The following NOL10 variants were observed in gnomAD, a reference collection of about 807,000 sequenced individuals.
The protein encoded by NOL10 is nucleolar protein 10, also known as H_NH0074G24.1.
Under a neutral mutation model 103.5 loss-of-function variants are expected in NOL10, and 58 were observed. The observed-to-expected ratio is 0.56, with a 90% CI of 0.45 to 0.70. The LOEUF is 0.70. NOL10 is among the 30% of genes least tolerant of loss of function. The probability of loss-of-function intolerance (pLI) is 0.00; values close to 1 mark genes in which losing one functional copy is unlikely to be tolerated. For synonymous variants in NOL10, 287 were observed against 282.5 expected, an observed-to-expected ratio of 1.02 and a Z score of -0.16; for missense variants, 763 against 807.3, an observed-to-expected ratio of 0.95 and a Z score of 0.67.
chr2:10,647,365 A>G (rs781492485), intron 12 of NOL10, among the ~76,000 whole-genome samples: 7 of 152,190 alleles, frequency 4.6e-5, no homozygotes, highest in Non-Finnish European at 1.0e-4. Context: ...CAGACTGCAA[A>G]CTGTTACCAG....
chr2:10,591,857 G>A (rs574532761), intron 17 of NOL10, among the ~76,000 whole-genome samples: 1 of 152,042 alleles, frequency 6.6e-6, no homozygotes, highest in Non-Finnish European at 1.5e-5. Flanking sequence ...TAAAAAATTA[G>A]TCAGGCGTGG....
At chr2:10,678,963 T>C (rs916043951) in intron 3 of NOL10, among the ~76,000 whole-genome samples, 10 of 152,184 alleles carry the variant, frequency 6.6e-5, no homozygotes. Context: ...CCGTGGCTCA[T>C]GCTTATAATC....
intron 8 of NOL10, among the ~76,000 whole-genome samples, chr2:10,664,054 G>A (rs1488686828): frequency 2.0e-5 from 3 of 151,920 alleles, no homozygotes. Context: ...CCGGGAGGCA[G>A]AGGCTACAGC....
intron 12 of NOL10, among the ~76,000 whole-genome samples, chr2:10,650,814 G>A (rs1232236121): frequency 3.3e-5 from 5 of 152,114 alleles, no homozygotes; most frequent in Admixed American, 3.3e-4. Context: ...CCAGAGATGC[G>A]TAGTTGAATT....
intron 8 of NOL10, among the ~76,000 whole-genome samples, chr2:10,665,919 C>G (rs1020083854): frequency 3.9e-5 from 6 of 152,120 alleles, no homozygotes; most frequent in Non-Finnish European, 5.9e-5. Flanking sequence ...TCTGGGGGTA[C>G]GTGCAGGTTT....
Position 10,671,536 on chromosome 2 carries a change from A to C in NOL10, c.464+18T>G. On this transcript the variant is annotated intron_variant, in intron 6 of 20. Transcript: ENST00000381685. ...GTTTTAGGAGGTGAAAAGGAGAAAA[A>C]GGGACTGGATCCAATACCTTGCACC... The C allele has an allele frequency of 6.5e-7, 1 of 1,537,844 alleles. No homozygotes were observed. Among genetic ancestry groups the C allele is most frequent in the Middle Eastern group, 1.7e-4 (1 of 5,810 alleles).
chr2:10,636,545 C>T (rs60016454), intron 13 of NOL10, among the ~76,000 whole-genome samples: 2,001 of 149,882 alleles, frequency 0.013, 53 homozygotes, highest in African/African-American at 0.046. Context: ...AAAGTTGTGA[C>T]GCTGCAGTGA....
At chr2:10,671,867 G>T (rs528305232) in intron 5 of NOL10, among the ~76,000 whole-genome samples, 177 bp from the exon 6 acceptor site, 1 of 152,010 alleles carries the variant, frequency 6.6e-6, no homozygotes, top group Non-Finnish European at 1.5e-5. Context: ...ACACTCCATC[G>T]GCTCCTTAAT....
At chr2:10,655,763 T>C (rs146579338) in intron 11 of NOL10, among the ~76,000 whole-genome samples, 48 of 152,352 alleles carry the variant, frequency 3.2e-4, no homozygotes, top group Admixed American at 1.5e-3. Flanking sequence ...CTGCCAGCTC[T>C]TGCATTTGTA....
chr2:10,659,309 AAGTTCATTATT>A, intron 9 of NOL10, 59 bp from the exon 10 acceptor site: 1 of 666,304 alleles, frequency 1.5e-6, no homozygotes, highest in Middle Eastern at 2.8e-4. Context: ...TCCAAGTAAC[AAGTTCATTATT>A]AGTCTTCACT....
chr2:10,585,536 C>G (rs553477955), intron 19 of NOL10, among the ~76,000 whole-genome samples: 30 of 152,190 alleles, frequency 2.0e-4, no homozygotes, highest in Non-Finnish European at 2.8e-4. Context: ...GGAAACTACC[C>G]AGATGTCCAT....
At chr2:10,599,324 T>C (rs1251426786) in intron 17 of NOL10, among the ~76,000 whole-genome samples, 2 of 152,244 alleles carry the variant, frequency 1.3e-5, no homozygotes, top group Non-Finnish European at 2.9e-5. Flanking sequence ...CAAAGATCAC[T>C]TCCATTTAGC....
intron 3 of NOL10, among the ~76,000 whole-genome samples, chr2:10,678,867 T>C (rs1356103416): frequency 6.6e-6 from 1 of 152,214 alleles, no homozygotes; most frequent in Non-Finnish European, 1.5e-5. Context: ...TCTACAATTG[T>C]GCTGTCCAAT....
intron 12 of NOL10, among the ~76,000 whole-genome samples, chr2:10,645,469 T>C (rs1454531451): frequency 1.3e-5 from 2 of 152,126 alleles, no homozygotes; most frequent in Non-Finnish European, 2.9e-5. Context: ...TTTGACTCTA[T>C]TACAGAAATG....
chr2:10,630,465 C>T (rs150117965), intron 13 of NOL10, among the ~76,000 whole-genome samples: 136 of 152,294 alleles, frequency 8.9e-4, no homozygotes, highest in African/African-American at 3.1e-3. Context: ...ATAATCCCAG[C>T]ACTTTGGGAG....
intron 19 of NOL10, among the ~76,000 whole-genome samples, chr2:10,578,186 T>G (rs1431874792): frequency 2.0e-5 from 3 of 152,218 alleles, no homozygotes; most frequent in South Asian, 2.1e-4. Context: ...TACAAAGGAA[T>G]GAGCACAAAT....
At chr2:10,687,423 T>C (rs1682294176) in intron 1 of NOL10, among the ~76,000 whole-genome samples, 1 of 152,218 alleles carries the variant, frequency 6.6e-6, no homozygotes, top group African/African-American at 2.4e-5. Context: ...CTTCCATCAG[T>C]GCCCACTACT....
At chr2:10,617,569 C>T (rs1393848220) in intron 13 of NOL10, among the ~76,000 whole-genome samples, 3 of 151,902 alleles carry the variant, frequency 2.0e-5, no homozygotes, top group Non-Finnish European at 1.5e-5. Flanking sequence ...ATCCAGCTTC[C>T]AACAAAAAAA....
intron 11 of NOL10, among the ~76,000 whole-genome samples, chr2:10,655,453 A>C (rs1220308557): frequency 6.6e-6 from 1 of 152,216 alleles, no homozygotes; most frequent in Non-Finnish European, 1.5e-5. Context: ...AATCCTACAA[A>C]TACTTAAGTG....
Sources: allele counts gnomAD v4.1 joint callset (sites outside exome capture counted in the v4.1 genomes callset), GRCh38; gene constraint gnomAD v4.1.1; transcripts MANE v1.5; gene names NCBI Gene and HGNC (gene_info 2026-07-23, HGNC 2026-07-21).